CACNA2D1: variants seen among roughly 807,000 people sequenced by gnomAD.
CACNA2D1 encodes the protein calcium voltage-gated channel auxiliary subunit alpha2delta 1, also known as voltage-dependent calcium channel subunit alpha-2/delta-1.
In CACNA2D1, 53 loss-of-function variants were observed where a neutral mutation model predicts 171.5. That is an observed-to-expected ratio of 0.31 (90% CI 0.25 to 0.39). The LOEUF (loss-of-function observed/expected upper bound fraction) is 0.39, where lower values mean the gene tolerates loss of function less well. Among genes scored for constraint, CACNA2D1 ranks in the 10% least tolerant of loss-of-function variants. CACNA2D1 has a pLI of 1.00. For missense variants in CACNA2D1, 903 were observed against 1,299.8 expected, an observed-to-expected ratio of 0.69 and a Z score of 4.69; for synonymous variants, 442 against 443.1, an observed-to-expected ratio of 1.00 and a Z score of 0.03.
intron 1 of CACNA2D1, among the ~76,000 whole-genome samples, chr7:82,390,169 G>C (rs1482211218): frequency 3.3e-5 from 5 of 152,182 alleles, no homozygotes; most frequent in African/African-American, 4.8e-5. Context: ...GAAATTAGCT[G>C]TAGGAATAAG....
intron 12 of CACNA2D1, among the ~76,000 whole-genome samples, chr7:82,016,618 C>T (rs1040583744): frequency 3.3e-5 from 4 of 122,214 alleles, no homozygotes; most frequent in South Asian, 3.2e-4. Context: ...CCGCCCCCCC[C>T]CCCCAAAAAA....
At chr7:82,240,876 A>G (rs1260130000) in intron 3 of CACNA2D1, among the ~76,000 whole-genome samples, 1 of 152,064 alleles carries the variant, frequency 6.6e-6, no homozygotes, top group Non-Finnish European at 1.5e-5. Flanking sequence ...CTGAGGCAGG[A>G]GAATCACTTG....
intron 2 of CACNA2D1, among the ~76,000 whole-genome samples, chr7:82,340,778 G>A (rs1018662612): frequency 2.0e-5 from 3 of 152,010 alleles, no homozygotes; most frequent in Non-Finnish European, 4.4e-5. Context: ...TAAAAATATC[G>A]AAATGAACAT....
At chr7:82,438,313 T>C (rs1563553094) in intron 1 of CACNA2D1, among the ~76,000 whole-genome samples, 1 of 152,142 alleles carries the variant, frequency 6.6e-6, no homozygotes, top group South Asian at 2.1e-4. Flanking sequence ...AAAATATGTA[T>C]GGACATACAC....
intron 7 of CACNA2D1, among the ~76,000 whole-genome samples, chr7:82,084,048 A>T (rs1357054486): frequency 2.6e-5 from 4 of 152,212 alleles, no homozygotes; most frequent in African/African-American, 9.6e-5. Context: ...TTGCTCTAAA[A>T]AGTGGAGAAA....
chr7:82,110,059 A>G (rs1788192058), intron 6 of CACNA2D1, among the ~76,000 whole-genome samples: 1 of 152,172 alleles, frequency 6.6e-6, no homozygotes, highest in Admixed American at 6.5e-5. Flanking sequence ...CTACCTGTCC[A>G]TCATACCTCC....
At chr7:82,406,150 T>C (rs1055767951) in intron 1 of CACNA2D1, among the ~76,000 whole-genome samples, 2 of 152,162 alleles carry the variant, frequency 1.3e-5, no homozygotes, top group African/African-American at 4.8e-5. Context: ...TTTGGTTTTC[T>C]GTCCTTGCAA....
intron 1 of CACNA2D1, among the ~76,000 whole-genome samples, chr7:82,360,173 T>C (rs1164114846): frequency 6.6e-6 from 1 of 152,206 alleles, no homozygotes. Context: ...TCTCCTCTCA[T>C]CAGAACTTGG....
chr7:82,079,948 T>G (rs1457455629), intron 7 of CACNA2D1, among the ~76,000 whole-genome samples: 3 of 151,978 alleles, frequency 2.0e-5, no homozygotes, highest in Non-Finnish European at 4.4e-5. Flanking sequence ...CATTCTACAA[T>G]ATGTGTGTGT....
intron 24 of CACNA2D1, among the ~76,000 whole-genome samples, chr7:81,979,625 A>G (rs1376970841): frequency 6.6e-6 from 1 of 152,140 alleles, no homozygotes; most frequent in Non-Finnish European, 1.5e-5. Flanking sequence ...CTATGTTAAT[A>G]TTCTGCGGGA....
intron 3 of CACNA2D1, among the ~76,000 whole-genome samples, chr7:82,279,826 T>C (rs1332025235): frequency 6.6e-6 from 1 of 152,128 alleles, no homozygotes. Context: ...AGCTTTAGAG[T>C]TATTTTTTTA....
chr7:82,222,314 A>C (rs1362277655), intron 3 of CACNA2D1, among the ~76,000 whole-genome samples: 1 of 152,230 alleles, frequency 6.6e-6, no homozygotes, highest in Non-Finnish European at 1.5e-5. Context: ...ATCCACAGTC[A>C]GTTGAGACCG....
intron 11 of CACNA2D1, among the ~76,000 whole-genome samples, chr7:82,034,058 A>G (rs1326085073): frequency 6.6e-6 from 1 of 152,090 alleles, no homozygotes; most frequent in Non-Finnish European, 1.5e-5. Flanking sequence ...CCAGTCATCC[A>G]AAATATTAAT....
intron 2 of CACNA2D1, among the ~76,000 whole-genome samples, chr7:82,338,774 C>T (rs935491856): frequency 1.3e-5 from 2 of 152,114 alleles, no homozygotes; most frequent in Admixed American, 1.3e-4. Flanking sequence ...TGTCCTAAAT[C>T]TTCCTTGGCT....
intron 25 of CACNA2D1, among the ~76,000 whole-genome samples, chr7:81,973,175 A>G (rs1208491577): frequency 6.6e-6 from 1 of 152,092 alleles, no homozygotes; most frequent in East Asian, 1.9e-4. Context: ...TTGGTATCCA[A>G]TTAAAGGAAC....
chr7:82,014,327 T>C (rs1346099954), intron 13 of CACNA2D1, 74 bp downstream of exon 13: 1 of 796,042 alleles, frequency 1.3e-6, no homozygotes. Flanking sequence ...TAGCTTATTT[T>C]AAATAAGTAC....
Position 82,416,855 on chromosome 7 carries a change from T to C in CACNA2D1, c.95+26510A>G, listed in dbSNP as rs146912844. Among the ~76,000 whole-genome samples the C allele has an allele frequency of 4.1e-3, 625 of 152,308 alleles. 3 individuals are homozygous for C. Among genetic ancestry groups the C allele is most frequent in the African/African-American group, 0.014 (600 of 41,572 alleles). Reference sequence around the variant, plus strand: ...GGGTACTCGACAGCAGTCTCATATGTAATGCCTAAATTAGGATTGTTCTTG... The same window carrying C: ...GGGTACTCGACAGCAGTCTCATATGCAATGCCTAAATTAGGATTGTTCTTG... On this transcript the variant is annotated intron_variant, in intron 1 of 38. Transcript: ENST00000356860.
At chr7:82,207,647 C>A (rs533352991) in intron 3 of CACNA2D1, among the ~76,000 whole-genome samples, 3 of 152,110 alleles carry the variant, frequency 2.0e-5, no homozygotes, top group African/African-American at 4.8e-5. Flanking sequence ...GTGCTACGGC[C>A]TTAATGAGGC....
chr7:82,077,970 T>C (rs1232043406), intron 7 of CACNA2D1, among the ~76,000 whole-genome samples: 2 of 152,146 alleles, frequency 1.3e-5, no homozygotes, highest in Non-Finnish European at 2.9e-5. Context: ...TAAATTATTG[T>C]TCAAAAAGTG....
Sources: gnomAD v4.1 joint callset for allele counts (sites outside exome capture counted in the v4.1 genomes callset) on GRCh38, gnomAD v4.1.1 for gene constraint, MANE v1.5 for transcripts, NCBI Gene and HGNC (gene_info 2026-07-23, HGNC 2026-07-21) for gene names.